Variants in EYS observed in about 807,000 individuals in gnomAD.
EYS encodes the protein protein eyes shut homolog.
In EYS, 250 loss-of-function variants were observed where a neutral mutation model predicts 282.1. The observed-to-expected ratio is 0.89, with a 90% CI of 0.80 to 0.98. The LOEUF (loss-of-function observed/expected upper bound fraction) is 0.98, where lower values mean the gene tolerates loss of function less well. EYS is among the 50% of genes least tolerant of loss of function. EYS has a pLI of 0.00. For synonymous variants in EYS, 1,355 were observed against 1,282.9 expected, an observed-to-expected ratio of 1.06 and a Z score of -1.20; for missense variants, 4,016 against 3,709.0, an observed-to-expected ratio of 1.08 and a Z score of -2.15.
rs70999162 is a variant in EYS at position 64,695,587 on chromosome 6, C to CTTT, written c.3444-69345_3444-69343dup. Reference sequence around the variant, plus strand: ...AATAATCATACTTTTTTTCTTTTAACTTTTTTTTTTTTTTTGAGAAGGAGT... The same window carrying CTTT: ...AATAATCATACTTTTTTTCTTTTAACTTTTTTTTTTTTTTTTTTGAGAAGGAGT... On this transcript the variant is annotated intron_variant, in intron 22 of 42. Transcript: ENST00000503581. 4.2e-3 allele frequency among the ~76,000 whole-genome samples: 591 copies of CTTT among 141,846 alleles called. 7 individuals are homozygous for CTTT. The highest frequency in any genetic ancestry group is 6.0e-3 in the Non-Finnish European group (394 of 65,888). The allele number at this position is 141,846 out of a possible 152,430, so 93.1% of individuals were successfully genotyped here.
chr6:64,392,591 C>G (rs991415239), intron 28 of EYS, among the ~76,000 whole-genome samples: 5 of 151,654 alleles, frequency 3.3e-5, no homozygotes, highest in African/African-American at 1.2e-4. Flanking sequence ...AGAACAAAGA[C>G]ACAACATACC....
In EYS at chr6:64,015,942, G is replaced by A. The variant is rs72875065; in HGVS notation, c.6726-16759C>T. Among the ~76,000 whole-genome samples the A allele has an allele frequency of 8.9e-3, 1,352 of 152,346 alleles. 13 individuals are homozygous for A. The highest frequency in any genetic ancestry group is 0.013 in the Non-Finnish European group (865 of 68,030). On this transcript the variant is annotated intron_variant, in intron 33 of 42. Coordinates refer to ENST00000503581, the MANE Select transcript of EYS (RefSeq NM_001142800.2). The stretch of plus-strand genomic sequence containing the variant: ...GTTTCCAGGCTTATGAGGCAAAAAG[G>A]AAAGTAAGGAATTCTGAGTGCTGAG...
At chr6:64,020,514 G>T (rs1251850195) in intron 33 of EYS, among the ~76,000 whole-genome samples, 1 of 152,118 alleles carries the variant, frequency 6.6e-6, no homozygotes, top group Non-Finnish European at 1.5e-5. Flanking sequence ...TATTATTCCT[G>T]ATACCAAGGG....
At chr6:64,609,822 C>T (rs866259280) in intron 24 of EYS, among the ~76,000 whole-genome samples, 1 of 151,880 alleles carries the variant, frequency 6.6e-6, no homozygotes, top group Non-Finnish European at 1.5e-5. Flanking sequence ...AGAAGTTTGA[C>T]GCTGCAGTGA....
At chr6:64,755,116 C>T (rs1324885415) in intron 22 of EYS, among the ~76,000 whole-genome samples, 2 of 152,036 alleles carry the variant, frequency 1.3e-5, no homozygotes, top group Admixed American at 1.3e-4. Flanking sequence ...AATCAACATA[C>T]AAAAGTCAGT....
At position 65,120,460 on chromosome 6, in the gene EYS, C is replaced by CAAAAAAAAAAAAAAAAAAAAAAA. The variant is rs67505285; in HGVS notation, c.2024-62756_2024-62734dup. On this transcript the variant is annotated intron_variant, in intron 12 of 42. Transcript: ENST00000503581. Reference sequence around the variant, plus strand: ...ACATTACTCTTTTTCTTTAAATAAGCAAAAAAAAAAAAAAAAAAAAAAAAT... The same window carrying CAAAAAAAAAAAAAAAAAAAAAAA: ...ACATTACTCTTTTTCTTTAAATAAGCAAAAAAAAAAAAAAAAAAAAAAAAAAAAAAAAAAAAAAAAAAAAAAAT... Among the ~76,000 whole-genome samples, 105 of 68,258 alleles carry CAAAAAAAAAAAAAAAAAAAAAAA rather than the reference C, an allele frequency of 1.5e-3. 2 individuals carry two copies. Among genetic ancestry groups the CAAAAAAAAAAAAAAAAAAAAAAA allele is most frequent in the Middle Eastern group, 0.01 (1 of 96 alleles). The allele number at this position is 68,258 out of a possible 152,430, so 44.8% of individuals were successfully genotyped here.
chr6:64,394,357 C>G (rs988946373), intron 28 of EYS, among the ~76,000 whole-genome samples: 2 of 152,084 alleles, frequency 1.3e-5, no homozygotes, highest in Non-Finnish European at 2.9e-5. Context: ...AAGCTGGAGG[C>G]ATCACGCTAC....
At chr6:65,006,797 A>C (rs1771679044) in intron 13 of EYS, among the ~76,000 whole-genome samples, 1 of 152,200 alleles carries the variant, frequency 6.6e-6, no homozygotes, top group Non-Finnish European at 1.5e-5. Flanking sequence ...CAGAGTTAGA[A>C]AAATTGCCTA....
intron 33 of EYS, among the ~76,000 whole-genome samples, chr6:64,048,107 T>C (rs1770689129): frequency 6.6e-6 from 1 of 152,118 alleles, no homozygotes; most frequent in African/African-American, 2.4e-5. Context: ...GATTTTGCCA[T>C]GTTGGCCAGG....
chr6:64,288,710 A>C (rs1229892229), intron 30 of EYS, among the ~76,000 whole-genome samples: 1 of 152,112 alleles, frequency 6.6e-6, no homozygotes, highest in Non-Finnish European at 1.5e-5. Context: ...GCACAGGAAG[A>C]ATCCAGGCTG....
At chr6:65,394,674 A>T (rs887498301) in intron 7 of EYS, among the ~76,000 whole-genome samples, 1 of 151,992 alleles carries the variant, frequency 6.6e-6, no homozygotes, top group Non-Finnish European at 1.5e-5. Flanking sequence ...TTTTACCATT[A>T]CCTCAGATAT....
chr6:64,739,271 A>G (rs1034495889), intron 22 of EYS, among the ~76,000 whole-genome samples: 8 of 152,226 alleles, frequency 5.3e-5, no homozygotes, highest in African/African-American at 1.9e-4. Flanking sequence ...TTAAGAAATT[A>G]AAACCATGCT....
chr6:64,941,658 T>C (rs1769094205), intron 15 of EYS, among the ~76,000 whole-genome samples: 1 of 152,064 alleles, frequency 6.6e-6, no homozygotes. Flanking sequence ...GCCCTCTTTA[T>C]GTCCACGAGT....
rs754498919 is a variant in EYS, at chr6:64,125,369, G to A, written c.6425-43367C>T. Among the ~76,000 whole-genome samples, 25 of 151,954 alleles carry A rather than the reference G, an allele frequency of 1.6e-4. 1 individual carries two copies. The highest frequency in any genetic ancestry group is 1.6e-4 in the Non-Finnish European group (11 of 68,004). On this transcript the variant is annotated intron_variant, in intron 31 of 42. Coordinates refer to ENST00000503581, the MANE Select transcript of EYS (RefSeq NM_001142800.2). ...CCCATGCATGGGTCAGCCTTACATGGTCTGAATTATGCCCCGTTGTAAAAG... is the reference window on the plus strand; with the variant it reads ...CCCATGCATGGGTCAGCCTTACATGATCTGAATTATGCCCCGTTGTAAAAG...
rs1773054192 is a variant in EYS, at chr6:64,107,285, T to TTATATATATATATATATATATTTATA, written c.6425-25284_6425-25283insTATAAATATATATATATATATATATA. Reference sequence around the variant, plus strand: ...TGTGTGTGTGTGTATATATATATATTTATATATATATATATATATATATAT... The same window carrying TTATATATATATATATATATATTTATA: ...TGTGTGTGTGTGTATATATATATATTTATATATATATATATATATATTTATATATATATATATATATATATATATAT... On this transcript the variant is annotated intron_variant, in intron 31 of 42. Coordinates refer to ENST00000503581, the MANE Select transcript of EYS (RefSeq NM_001142800.2). Among the ~76,000 whole-genome samples the TTATATATATATATATATATATTTATA allele has an allele frequency of 3.0e-5, 3 of 101,500 alleles. No individual in the cohort carries two copies. The East Asian group carries it at 9.1e-4, about 31-fold the overall frequency. The allele number at this position is 101,500 out of a possible 152,430, so 66.6% of individuals were successfully genotyped here. A position where few individuals can be genotyped will look rare whatever the true frequency, so the allele number is the denominator to read the frequency against.
chr6:65,637,103 T>G (rs1767114954), intron 2 of EYS, among the ~76,000 whole-genome samples: 1 of 152,242 alleles, frequency 6.6e-6, no homozygotes, highest in South Asian at 2.1e-4. Context: ...CTTAAAGGCA[T>G]GAGCCAACAC....
intron 18 of EYS, among the ~76,000 whole-genome samples, chr6:64,892,994 C>A (rs1238822832): frequency 1.3e-5 from 2 of 152,012 alleles, no homozygotes; most frequent in African/African-American, 4.8e-5. Flanking sequence ...ATCAGCCAGG[C>A]ACTTGGAACA....
chr6:63,864,981 G>T (rs1410998352), intron 35 of EYS, among the ~76,000 whole-genome samples: 1 of 152,184 alleles, frequency 6.6e-6, no homozygotes, highest in Non-Finnish European at 1.5e-5. Flanking sequence ...GTGACTTGGA[G>T]TTTGTTATTT....
At chr6:64,863,571 G>A (rs1012590894) in intron 19 of EYS, among the ~76,000 whole-genome samples, 1 of 152,180 alleles carries the variant, frequency 6.6e-6, no homozygotes, top group Non-Finnish European at 1.5e-5. Context: ...CTGGTGGGCT[G>A]TTAATTGCTA....
Sources: allele counts gnomAD v4.1 joint callset (sites outside exome capture counted in the v4.1 genomes callset), GRCh38; gene constraint gnomAD v4.1.1; transcripts MANE v1.5; gene names NCBI Gene and HGNC (gene_info 2026-07-23, HGNC 2026-07-21).